The following HHIPL1 variants were observed in gnomAD, a reference collection of about 807,000 sequenced individuals.
HHIPL1 encodes HHIP like 1, also known as HHIP-like protein 1.
In HHIPL1, 43 loss-of-function variants were observed where a neutral mutation model predicts 61.8. That is an observed-to-expected ratio of 0.70 (90% CI 0.55 to 0.90). The LOEUF (loss-of-function observed/expected upper bound fraction) is 0.90, where lower values mean the gene tolerates loss of function less well. Among genes scored for constraint, HHIPL1 ranks in the 40% least tolerant of loss-of-function variants. HHIPL1 has a pLI of 0.00. For missense variants in HHIPL1, 1,056 were observed against 1,157.7 expected (o/e 0.91, Z 1.28); for synonymous variants, 482 against 515.8 (o/e 0.93, Z 0.89).
chr14:99,637,095 G>GAAA, the HHIPL1 span, among the ~76,000 whole-genome samples: 7 of 61,878 alleles, frequency 1.1e-4, no homozygotes, highest in Admixed American at 4.0e-4. Context: ...AAAGAAAGAA[G>GAAA]GAAGGAAAAA....
the HHIPL1 span, among the ~76,000 whole-genome samples, chr14:99,631,612 G>C: frequency 6.6e-6 from 1 of 152,120 alleles, no homozygotes; most frequent in South Asian, 2.1e-4. Context: ...AATTTATAGG[G>C]ACCCTCTGTG....
At position 99,660,419 on chromosome 14, in the gene HHIPL1, G is replaced by A. The variant is rs138339928; in HGVS notation, c.1502+13G>A. The A allele has an allele frequency of 6.9e-3, 11,084 of 1,607,002 alleles. 65 individuals carry two copies. Among genetic ancestry groups the A allele is most frequent in the East Asian group, 0.034 (1,503 of 44,718 alleles). On this transcript the variant is annotated intron_variant, in intron 5 of 8. Transcript: ENST00000330710. The surrounding 1 kb of genome is among the most constrained non-coding windows in gnomAD (Gnocchi z 4.9). The stretch of plus-strand genomic sequence containing the variant: ...ATTTCATGAGCGGGTAAGTGACCTA[G>A]TGCCCTCGCGCCCCTGGCTGCTGCC...
chr14:99,645,761 C>G (rs1483673964), intron 1 of HHIPL1, among the ~76,000 whole-genome samples: 1 of 152,238 alleles, frequency 6.6e-6, no homozygotes, highest in Non-Finnish European at 1.5e-5. Context: ...GTTGGGGGCT[C>G]TTCTGCCCCA....
In HHIPL1 at chr14:99,678,918, C is replaced by G. The variant is rs1385628340; in HGVS notation, c.*3292C>G. 1 of 152,222 alleles carries G rather than the reference C, an allele frequency of 6.6e-6. No individual in the cohort carries two copies. The highest frequency in any genetic ancestry group is 2.4e-5 in the African/African-American group (1 of 41,452). The allele number at this position is 152,222 out of a possible 1,614,324, so 9.4% of individuals were successfully genotyped here. On this transcript the variant is annotated 3_prime_UTR_variant, in exon 9 of 9. Transcript: ENST00000330710. ...ATTCTTTAACAAGAAGGGAAACTTT[C>G]AAGAGGAACTTTTACTTTCTACAAC...
upstream of HHIPL1, among the ~76,000 whole-genome samples, chr14:99,641,171 G>A (rs1380734634): frequency 6.6e-6 from 1 of 151,954 alleles, no homozygotes. Context: ...ACAGGTGTGA[G>A]CCACTGCACC....
upstream of HHIPL1, among the ~76,000 whole-genome samples, chr14:99,642,720 T>A (rs907324487): frequency 1.3e-5 from 2 of 152,028 alleles, no homozygotes; most frequent in African/African-American, 4.8e-5. Flanking sequence ...GAGATGGGGT[T>A]TCACCGTATT....
At chr14:99,664,492 C>CTCTGAGTGACACCTCT (rs1491264997) in intron 6 of HHIPL1, among the ~76,000 whole-genome samples, 6 of 134,944 alleles carry the variant, frequency 4.4e-5, no homozygotes, top group Non-Finnish European at 7.5e-5. Flanking sequence ...GAGTGACACC[C>CTCTGAGTGACACCTCT]GAGTGTGGAA....
the HHIPL1 span, among the ~76,000 whole-genome samples, chr14:99,621,290 G>A: frequency 6.6e-6 from 1 of 152,098 alleles, no homozygotes; most frequent in Non-Finnish European, 1.5e-5. Flanking sequence ...TGTAGAGATG[G>A]GGTCTCACCA....
At chr14:99,671,810 G>A (rs1056779096) in intron 7 of HHIPL1, among the ~76,000 whole-genome samples, 1 of 151,856 alleles carries the variant, frequency 6.6e-6, no homozygotes, top group Non-Finnish European at 1.5e-5. Context: ...TACCACCCCC[G>A]CCGCCCCCGT....
chr14:99,620,425 C>T, the HHIPL1 span, among the ~76,000 whole-genome samples: 1 of 152,234 alleles, frequency 6.6e-6, no homozygotes, highest in Non-Finnish European at 1.5e-5. Flanking sequence ...GGAGTGCCCT[C>T]CCCCTTTTTC....
chr14:99,633,757 G>A, the HHIPL1 span, among the ~76,000 whole-genome samples: 5 of 152,224 alleles, frequency 3.3e-5, no homozygotes, highest in South Asian at 2.1e-4. Flanking sequence ...AGAGCAGGCA[G>A]CCTCCGCCTT....
At chr14:99,667,818 G>A (rs1170398952) in intron 6 of HHIPL1, among the ~76,000 whole-genome samples, 1 of 152,220 alleles carries the variant, frequency 6.6e-6, no homozygotes, top group Admixed American at 6.5e-5. Flanking sequence ...AGCCACATGT[G>A]CCTGCGGGTC....
At chr14:99,609,620 C>T in the HHIPL1 span, among the ~76,000 whole-genome samples, 4 of 152,190 alleles carry the variant, frequency 2.6e-5, no homozygotes, top group Admixed American at 6.5e-5. Flanking sequence ...GTGGGGAAAC[C>T]GCATGAAGCT....
intron 2 of HHIPL1, among the ~76,000 whole-genome samples, chr14:99,653,522 A>G (rs2149414): frequency 0.98 from 148,628 of 152,242 alleles, 72,653 homozygotes; most frequent in Middle Eastern, 1. Context: ...CAGTGGAGAC[A>G]GGGTTCCACT....
Position 99,660,504 on chromosome 14 carries a change from C to T in HHIPL1, c.1502+98C>T. 1 of 1,418,766 alleles carries T rather than the reference C, an allele frequency of 7.0e-7. No individual in the cohort carries two copies. The highest frequency in any genetic ancestry group is 9.6e-7 in the Non-Finnish European group (1 of 1,036,650). 87.9% of individuals were successfully genotyped at this position (1,418,766 alleles called of 1,614,324 possible). On this transcript the variant is annotated intron_variant, in intron 5 of 8. Transcript: ENST00000330710. The surrounding 1 kb of genome is among the most constrained non-coding windows in gnomAD (Gnocchi z 4.9). ...GAGTGTATGTGTGCGCCCGTTCCTG[C>T]ACATGTGCCTCGCTGCTCTGACAGG...
the HHIPL1 span, among the ~76,000 whole-genome samples, chr14:99,619,906 G>A: frequency 6.6e-6 from 1 of 152,200 alleles, no homozygotes; most frequent in Non-Finnish European, 1.5e-5. Context: ...GGATTCCTGA[G>A]TGGAAGGAGG....
intron 6 of HHIPL1, among the ~76,000 whole-genome samples, chr14:99,664,079 G>A (rs903530966): frequency 6.6e-6 from 1 of 152,184 alleles, no homozygotes; most frequent in African/African-American, 2.4e-5. Context: ...GAGGAAGAGG[G>A]GCCTGGAGAC....
intron 2 of HHIPL1, among the ~76,000 whole-genome samples, chr14:99,654,746 A>G (rs1386262409): frequency 6.6e-6 from 1 of 152,224 alleles, no homozygotes; most frequent in African/African-American, 2.4e-5. Context: ...AGTTTTGACT[A>G]TGAGCTTCCT....
chr14:99,634,535 G>A, the HHIPL1 span, among the ~76,000 whole-genome samples: 1 of 152,192 alleles, frequency 6.6e-6, no homozygotes, highest in Non-Finnish European at 1.5e-5. Context: ...TCTAACTACA[G>A]CACCCTAAGC....
Sources: gnomAD v4.1 joint callset for allele counts (sites outside exome capture counted in the v4.1 genomes callset) on GRCh38, gnomAD v4.1.1 for gene constraint, Gnocchi (gnomAD v3.1) non-coding constraint, MANE v1.5 for transcripts, NCBI Gene and HGNC (gene_info 2026-07-23, HGNC 2026-07-21) for gene names.